PKIB: variants seen among roughly 807,000 people sequenced by gnomAD.
PKIB encodes the protein cAMP-dependent protein kinase inhibitor beta, also known as PKI-beta.
PKIB carries 2 observed loss-of-function variants against 4.5 expected under a neutral mutation model. That is an observed-to-expected ratio of 0.44 (90% CI 0.18 to 1.39). The LOEUF (loss-of-function observed/expected upper bound fraction) is 1.39. Among genes scored for constraint, PKIB ranks in the 40% most tolerant of loss-of-function variants. The pLI, the probability that PKIB is intolerant of heterozygous loss-of-function variation, is 0.27. For missense variants in PKIB, 94 were observed against 92.6 expected (o/e 1.02, Z -0.06); for synonymous variants, 38 against 36.0 (o/e 1.06, Z -0.20).
chr6:122,556,096 A>G (rs1277689062), intron 2 of PKIB, among the ~76,000 whole-genome samples: 1 of 152,140 alleles, frequency 6.6e-6, no homozygotes, highest in African/African-American at 2.4e-5. Flanking sequence ...TGATTAGATG[A>G]TGGGGCAGTT....
At chr6:122,704,242 G>C (rs1778963144) in intron 3 of PKIB, among the ~76,000 whole-genome samples, 1 of 151,958 alleles carries the variant, frequency 6.6e-6, no homozygotes, top group South Asian at 2.1e-4. Context: ...CGCCCATATT[G>C]AGAAGGGCAA....
intron 3 of PKIB, among the ~76,000 whole-genome samples, chr6:122,594,598 G>A (rs1774117585): frequency 2.0e-5 from 3 of 152,196 alleles, no homozygotes; most frequent in Admixed American, 1.3e-4. Context: ...CGTTTCTGCA[G>A]CTGGTCATGT....
intron 3 of PKIB, among the ~76,000 whole-genome samples, chr6:122,676,501 C>T (rs1173452258): frequency 2.0e-5 from 3 of 152,262 alleles, no homozygotes; most frequent in Admixed American, 6.5e-5. Flanking sequence ...TCTTCAATAG[C>T]TGTGTGAGAC....
At chr6:122,683,317 G>A (rs1777973477) in intron 3 of PKIB, among the ~76,000 whole-genome samples, 1 of 152,094 alleles carries the variant, frequency 6.6e-6, no homozygotes, top group African/African-American at 2.4e-5. Flanking sequence ...ATGGTAGAAG[G>A]CAAAGGGGGA....
chr6:122,599,184 G>T (rs1774276095), intron 3 of PKIB, among the ~76,000 whole-genome samples: 1 of 152,136 alleles, frequency 6.6e-6, no homozygotes, highest in African/African-American at 2.4e-5. Flanking sequence ...GCAGCACAGG[G>T]TTTGTCTCCT....
Position 122,703,844 on chromosome 6 carries a change from T to C in PKIB, c.-8-13943T>C, listed in dbSNP as rs916959119. On this transcript the variant is annotated intron_variant, in intron 3 of 4. Transcript: ENST00000368452. The stretch of plus-strand genomic sequence containing the variant: ...AGCTATATATACACACATATATATG[T>C]ATATATATGTAAAAGCTCTACGTAA... Among the ~76,000 whole-genome samples the C allele has an allele frequency of 4.0e-5, 6 of 149,820 alleles. No individual in the cohort carries two copies. The Admixed American group carries it at 4.0e-4, about 10-fold the overall frequency.
chr6:122,491,569 T>C (rs1323379312), intron 2 of PKIB, among the ~76,000 whole-genome samples: 1 of 152,160 alleles, frequency 6.6e-6, no homozygotes, highest in Non-Finnish European at 1.5e-5. Flanking sequence ...AGAAGGGACG[T>C]GTGGCCTTGG....
chr6:122,715,667 A>C (rs1779460311), intron 3 of PKIB, among the ~76,000 whole-genome samples: 1 of 150,818 alleles, frequency 6.6e-6, no homozygotes, highest in Non-Finnish European at 1.5e-5. Flanking sequence ...ATATATATAC[A>C]TACACATATA....
intron 3 of PKIB, among the ~76,000 whole-genome samples, chr6:122,686,031 T>G (rs1396835695): frequency 6.6e-6 from 1 of 152,174 alleles, no homozygotes; most frequent in Non-Finnish European, 1.5e-5. Flanking sequence ...TGTATAGGTA[T>G]CACATTTTCT....
chr6:122,700,810 T>G (rs1038061533), intron 3 of PKIB, among the ~76,000 whole-genome samples: 1 of 152,330 alleles, frequency 6.6e-6, no homozygotes, highest in Admixed American at 6.5e-5. Context: ...CTTAGTGGCC[T>G]TTCTCAGAAG....
At position 122,725,649 on chromosome 6, in the gene PKIB, C is replaced by G. The variant is rs1203266725; in HGVS notation, c.*454C>G. 6.5e-6 allele frequency: 1 copy of G among 153,130 alleles called. No individual in the cohort carries two copies. The highest frequency in any genetic ancestry group is 6.5e-5 in the Admixed American group (1 of 15,344). 9.5% of individuals were successfully genotyped at this position (153,130 alleles called of 1,614,324 possible). A position where few individuals can be genotyped will look rare whatever the true frequency, so the allele number is the denominator to read the frequency against. On this transcript the variant is annotated 3_prime_UTR_variant, in exon 5 of 5. Transcript: ENST00000368452. ...TGGTGAGAAAGAACAATAGTCAAAA[C>G]TCACATGGATAGAGTGTGTTTGTTT...
chr6:122,556,339 T>C (rs1290619050), intron 2 of PKIB, among the ~76,000 whole-genome samples: 1 of 152,226 alleles, frequency 6.6e-6, no homozygotes, highest in African/African-American at 2.4e-5. Context: ...TATGTCTTTA[T>C]TAGCAGCATG....
At chr6:122,608,460 A>C (rs929417030), upstream of PKIB, among the ~76,000 whole-genome samples, 1 of 152,252 alleles carries the variant, frequency 6.6e-6, no homozygotes, top group Non-Finnish European at 1.5e-5. Flanking sequence ...GGTCGTGTCT[A>C]ACATTTGCAA....
intron 3 of PKIB, among the ~76,000 whole-genome samples, chr6:122,713,322 AAAGAGG>A (rs1208854738): frequency 6.6e-6 from 1 of 152,136 alleles, no homozygotes; most frequent in African/African-American, 2.4e-5. Context: ...TCTAGAAGAG[AAAGAGG>A]AAGAGTTGCT....
intron 3 of PKIB, among the ~76,000 whole-genome samples, chr6:122,705,983 G>A (rs1213266120): frequency 1.3e-5 from 2 of 152,120 alleles, no homozygotes; most frequent in Non-Finnish European, 2.9e-5. Flanking sequence ...ACTATGTTAT[G>A]ACTATGCTCC....
At chr6:122,712,317 G>A (rs1191544545) in intron 3 of PKIB, among the ~76,000 whole-genome samples, 1 of 152,136 alleles carries the variant, frequency 6.6e-6, no homozygotes, top group Non-Finnish European at 1.5e-5. Flanking sequence ...ATGACTGAAT[G>A]AATAAATAAT....
intron 2 of PKIB, among the ~76,000 whole-genome samples, chr6:122,636,190 A>G (rs1413017039): frequency 6.6e-6 from 1 of 151,778 alleles, no homozygotes; most frequent in African/African-American, 2.4e-5. Context: ...CTGAATTAAA[A>G]CTCATGTGGT....
intron 2 of PKIB, among the ~76,000 whole-genome samples, chr6:122,489,991 AT>A (rs1353250014): frequency 4.6e-5 from 7 of 152,206 alleles, no homozygotes; most frequent in Admixed American, 2.0e-4. Context: ...ATACAAAAAA[AT>A]GTCATGTGCT....
chr6:122,559,177 AAAAC>A (rs1411467956), intron 2 of PKIB, among the ~76,000 whole-genome samples: 2 of 152,142 alleles, frequency 1.3e-5, no homozygotes, highest in East Asian at 1.9e-4. Context: ...CAGTAAGAAA[AAAAC>A]AAACAGTCCC....
Sources: gnomAD v4.1 joint callset for allele counts (sites outside exome capture counted in the v4.1 genomes callset) on GRCh38, gnomAD v4.1.1 for gene constraint, MANE v1.5 for transcripts, NCBI Gene and HGNC (gene_info 2026-07-23, HGNC 2026-07-21) for gene names.